The following RBFOX1 variants were observed in gnomAD, a reference collection of about 807,000 sequenced individuals.
RBFOX1 encodes RNA binding protein fox-1 homolog 1.
Under a neutral mutation model 57.7 loss-of-function variants are expected in RBFOX1, and 8 were observed. The observed-to-expected ratio is 0.14, with a 90% CI of 0.08 to 0.25. RBFOX1 has a LOEUF of 0.25. Ranked by LOEUF, RBFOX1 falls within the 10% of genes least tolerant of loss-of-function variation. The pLI is 1.00. For missense variants in RBFOX1, 611 were observed against 548.5 expected (o/e 1.11, Z -1.14); for synonymous variants, 326 against 222.4 (o/e 1.47, Z -4.15).
intron 2 of RBFOX1, among the ~76,000 whole-genome samples, chr16:6,422,850 A>G (rs914790350): frequency 1.3e-5 from 2 of 152,186 alleles, no homozygotes; most frequent in African/African-American, 4.8e-5. Flanking sequence ...GAGATTTGGC[A>G]AGGACAGAGA....
At chr16:5,269,862 A>G (rs1241424695) in intron 1 of RBFOX1, among the ~76,000 whole-genome samples, 1 of 152,214 alleles carries the variant, frequency 6.6e-6, no homozygotes, top group African/African-American at 2.4e-5. Flanking sequence ...TGGCTTTAAA[A>G]ATAGATTCCA....
chr16:6,416,323 A>G (rs1463667733), intron 2 of RBFOX1, among the ~76,000 whole-genome samples: 2 of 152,302 alleles, frequency 1.3e-5, no homozygotes, highest in Non-Finnish European at 2.9e-5. Context: ...CAGTTTAGAT[A>G]GCTCAAGCCT....
At chr16:6,723,135 G>C (rs34288660) in intron 3 of RBFOX1, among the ~76,000 whole-genome samples, 22,781 of 152,212 alleles carry the variant, frequency 0.15, 1,787 homozygotes, top group Middle Eastern at 0.2. Context: ...GGTTGCTGAT[G>C]CTCTGTAAAA....
chr16:6,698,737 C>T (rs1233928773), intron 3 of RBFOX1, among the ~76,000 whole-genome samples: 1 of 152,180 alleles, frequency 6.6e-6, no homozygotes, highest in Non-Finnish European at 1.5e-5. Flanking sequence ...TCAAATCCCA[C>T]ATCTTTGTTC....
At chr16:6,098,425 TC>T (rs1289768263) in intron 1 of RBFOX1, among the ~76,000 whole-genome samples, 1 of 152,212 alleles carries the variant, frequency 6.6e-6, no homozygotes, top group Non-Finnish European at 1.5e-5. Flanking sequence ...TTGCACTGCC[TC>T]CTAAATTAGC....
At chr16:6,254,204 T>C (rs2097646330) in intron 1 of RBFOX1, among the ~76,000 whole-genome samples, 1 of 152,186 alleles carries the variant, frequency 6.6e-6, no homozygotes, top group Admixed American at 6.6e-5. Context: ...CTACTGGATA[T>C]TGCCTGTCTG....
chr16:5,288,992 G>A (rs1246567138), intron 1 of RBFOX1, among the ~76,000 whole-genome samples: 1 of 151,818 alleles, frequency 6.6e-6, no homozygotes, highest in African/African-American at 2.4e-5. Flanking sequence ...GGGCATGGTG[G>A]CGCACGCCTG....
At chr16:6,998,721 G>C (rs1001745276) in intron 3 of RBFOX1, among the ~76,000 whole-genome samples, 8 of 152,012 alleles carry the variant, frequency 5.3e-5, no homozygotes, top group East Asian at 1.9e-4. Context: ...AGGTTGTCTT[G>C]TACAGAAAAC....
At chr16:6,441,936 A>G (rs931123590) in intron 2 of RBFOX1, among the ~76,000 whole-genome samples, 1 of 152,120 alleles carries the variant, frequency 6.6e-6, no homozygotes, top group Non-Finnish European at 1.5e-5. Context: ...CTAATTTGCT[A>G]TTAGGATGAA....
At chr16:6,317,130 C>A in intron 2 of RBFOX1, 73 bp downstream of exon 2, 1 of 1,369,988 alleles carries the variant, frequency 7.3e-7, no homozygotes, top group Non-Finnish European at 1.0e-6. Context: ...CTCTGAAAAG[C>A]TCTTTTCTGC....
intron 4 of RBFOX1, among the ~76,000 whole-genome samples, chr16:7,283,461 G>T (rs1393956088): frequency 1.3e-5 from 2 of 151,996 alleles, no homozygotes; most frequent in Non-Finnish European, 2.9e-5. Flanking sequence ...TTCCGTGGTG[G>T]AAAGGAGTAT....
At chr16:6,073,954 C>G (rs1424182323) in intron 1 of RBFOX1, among the ~76,000 whole-genome samples, 1 of 151,868 alleles carries the variant, frequency 6.6e-6, no homozygotes, top group African/African-American at 2.4e-5. Context: ...AGTGAAGGTT[C>G]TTTTCTTTTT....
chr16:6,076,126 C>T (rs1422697912), intron 1 of RBFOX1, among the ~76,000 whole-genome samples: 2 of 151,996 alleles, frequency 1.3e-5, no homozygotes, highest in African/African-American at 2.4e-5. Flanking sequence ...TGGAGAAATC[C>T]CATCTCTAAT....
intron 1 of RBFOX1, among the ~76,000 whole-genome samples, chr16:5,439,010 A>G (rs1046098480): frequency 7.4e-6 from 1 of 135,562 alleles, no homozygotes; most frequent in East Asian, 2.6e-4. Flanking sequence ...TGAAGGAAAC[A>G]GAATGATGTG....
intron 2 of RBFOX1, among the ~76,000 whole-genome samples, chr16:6,599,372 T>A (rs2097820007): frequency 6.6e-6 from 1 of 152,174 alleles, no homozygotes; most frequent in Admixed American, 6.5e-5. Context: ...CTGGGTCTAG[T>A]AATGAGTCTC....
chr16:7,350,909 G>A (rs17842416), intron 4 of RBFOX1, among the ~76,000 whole-genome samples: 6,942 of 152,240 alleles, frequency 0.046, 394 homozygotes, highest in African/African-American at 0.13. Flanking sequence ...AATGACCCAA[G>A]AATGCATCCA....
intron 4 of RBFOX1, among the ~76,000 whole-genome samples, chr16:6,006,736 G>A (rs2094929549): frequency 6.6e-6 from 1 of 152,168 alleles, no homozygotes; most frequent in South Asian, 2.1e-4. Flanking sequence ...GTGGAGAGTG[G>A]GTTTTCATAA....
At chr16:6,654,238 C>T (rs760627464) in intron 2 of RBFOX1, among the ~76,000 whole-genome samples, 1 of 152,048 alleles carries the variant, frequency 6.6e-6, no homozygotes, top group Non-Finnish European at 1.5e-5. Context: ...TCTGACTATC[C>T]TAAATTTTGA....
At chr16:6,872,130 G>A (rs1045608385) in intron 3 of RBFOX1, among the ~76,000 whole-genome samples, 1 of 151,980 alleles carries the variant, frequency 6.6e-6, no homozygotes, top group African/African-American at 2.4e-5. Flanking sequence ...AATATGATAC[G>A]CTTTCTTTTC....
Sources: allele counts gnomAD v4.1 joint callset (sites outside exome capture counted in the v4.1 genomes callset), GRCh38; gene constraint gnomAD v4.1.1; transcripts MANE v1.5; gene names NCBI Gene and HGNC (gene_info 2026-07-23, HGNC 2026-07-21).